PARN: variants seen among roughly 807,000 people sequenced by gnomAD.
The protein encoded by PARN is poly(A)-specific ribonuclease PARN.
A neutral mutation model predicts 102.8 loss-of-function variants in PARN; 71 were observed. The ratio of observed to expected loss-of-function variants is 0.69; its 90% CI spans 0.57 to 0.84. The LOEUF is 0.84. Ranked by LOEUF, PARN falls within the 40% of genes least tolerant of loss-of-function variation. The pLI, the probability that PARN is intolerant of heterozygous loss-of-function variation, is 0.00. For synonymous variants in PARN, 261 were observed against 252.9 expected (o/e 1.03, Z -0.30); for missense variants, 782 against 760.9 (o/e 1.03, Z -0.33).
chr16:14,501,676 G>A (rs1567327287), intron 21 of PARN: 1 of 152,050 alleles, frequency 6.6e-6, no homozygotes, highest in Non-Finnish European at 1.5e-5. Flanking sequence ...CCATCATGGT[G>A]AGAGTTCCTG....
At chr16:14,625,142 A>T (rs1428437485) in intron 5 of PARN, among the ~76,000 whole-genome samples, 2 of 151,920 alleles carry the variant, frequency 1.3e-5, no homozygotes, top group African/African-American at 4.8e-5. Flanking sequence ...CTGCTAGAAA[A>T]CTATATCCAC....
chr16:14,555,967 T>A (rs1480833333), intron 18 of PARN, among the ~76,000 whole-genome samples: 1 of 151,404 alleles, frequency 6.6e-6, no homozygotes, highest in African/African-American at 2.4e-5. Context: ...CCCAGTTAAG[T>A]GGTTCTTCTG....
At chr16:14,478,851 G>A (rs532635200) in intron 22 of PARN, among the ~76,000 whole-genome samples, 19 of 152,054 alleles carry the variant, frequency 1.2e-4, no homozygotes, top group Non-Finnish European at 2.2e-4. Context: ...GCGTGATCTC[G>A]GCTCACTGCA....
intron 22 of PARN, among the ~76,000 whole-genome samples, chr16:14,464,188 A>C (rs1176761126): frequency 6.6e-6 from 1 of 152,194 alleles, no homozygotes; most frequent in African/African-American, 2.4e-5. Flanking sequence ...GAAATCCAAG[A>C]AGCTCAGTAA....
At chr16:14,450,326 C>G (rs1340518383) in intron 22 of PARN, among the ~76,000 whole-genome samples, 1 of 152,126 alleles carries the variant, frequency 6.6e-6, no homozygotes, top group Non-Finnish European at 1.5e-5. Context: ...TGAAGCAATT[C>G]TGAAAACACT....
chr16:14,524,306 T>C (rs757908426), intron 21 of PARN, among the ~76,000 whole-genome samples: 2 of 152,194 alleles, frequency 1.3e-5, no homozygotes, highest in East Asian at 1.9e-4. Context: ...CAAACCAGTA[T>C]GCCATCATAC....
At chr16:14,618,998 C>A (rs1197915765) in intron 5 of PARN, among the ~76,000 whole-genome samples, 1 of 150,236 alleles carries the variant, frequency 6.7e-6, no homozygotes, top group South Asian at 2.1e-4. Context: ...GAGTTAAAGA[C>A]CAGCTTGGGC....
intron 22 of PARN, among the ~76,000 whole-genome samples, chr16:14,474,423 T>C (rs1962927007): frequency 6.6e-6 from 1 of 152,204 alleles, no homozygotes; most frequent in Non-Finnish European, 1.5e-5. Flanking sequence ...TATAAGGATT[T>C]TCAAAACTCT....
chr16:14,583,696 A>G (rs1171956270), intron 16 of PARN, among the ~76,000 whole-genome samples: 1 of 152,126 alleles, frequency 6.6e-6, no homozygotes, highest in Admixed American at 6.6e-5. Flanking sequence ...CCTATTATCC[A>G]TGTCTTTAGA....
intron 21 of PARN, among the ~76,000 whole-genome samples, chr16:14,549,315 A>G (rs1368648068): frequency 2.0e-5 from 3 of 152,212 alleles, no homozygotes; most frequent in Non-Finnish European, 4.4e-5. Flanking sequence ...ATCTTGGCCT[A>G]TTCCCCATAT....
intron 10 of PARN, among the ~76,000 whole-genome samples, chr16:14,605,010 G>C (rs1971097986): frequency 6.6e-6 from 1 of 152,150 alleles, no homozygotes; most frequent in Non-Finnish European, 1.5e-5. Context: ...CATGATCACA[G>C]CTCACTGCAG....
At chr16:14,562,219 G>A (rs1328148687) in intron 18 of PARN, among the ~76,000 whole-genome samples, 4 of 151,966 alleles carry the variant, frequency 2.6e-5, no homozygotes, top group African/African-American at 7.2e-5. Flanking sequence ...GCTCATGCCC[G>A]TAATCCCAGC....
At chr16:14,588,847 A>C (rs1814117336) in intron 13 of PARN, among the ~76,000 whole-genome samples, 1 of 151,974 alleles carries the variant, frequency 6.6e-6, no homozygotes, top group Admixed American at 6.6e-5. Context: ...ACACCACTGC[A>C]CTCCAGCCTG....
intron 21 of PARN, among the ~76,000 whole-genome samples, chr16:14,508,193 T>C (rs923410255): frequency 2.8e-5 from 4 of 144,756 alleles, no homozygotes; most frequent in South Asian, 2.1e-4. Context: ...GGCAGGCAGA[T>C]AGATAGATAG....
At chr16:14,537,831 T>C (rs1385390426) in intron 21 of PARN, among the ~76,000 whole-genome samples, 1 of 151,962 alleles carries the variant, frequency 6.6e-6, no homozygotes, top group Non-Finnish European at 1.5e-5. Flanking sequence ...AAAATTACAG[T>C]GAGATAAGAG....
chr16:14,539,961 G>A (rs1375448636), intron 21 of PARN, among the ~76,000 whole-genome samples: 1 of 152,196 alleles, frequency 6.6e-6, no homozygotes, highest in African/African-American at 2.4e-5. Flanking sequence ...AGGCATGTAA[G>A]TAATCTAGTG....
At chr16:14,475,314 T>A (rs563429941) in intron 22 of PARN, among the ~76,000 whole-genome samples, 1 of 152,338 alleles carries the variant, frequency 6.6e-6, no homozygotes, top group East Asian at 1.9e-4. Flanking sequence ...AGTGTTGGTG[T>A]TGGCTTATGG....
At chr16:14,467,879 G>C (rs534906990) in intron 22 of PARN, among the ~76,000 whole-genome samples, 1 of 152,358 alleles carries the variant, frequency 6.6e-6, no homozygotes, top group African/African-American at 2.4e-5. Context: ...GAGCAGGACA[G>C]TGAGTGGGAA....
intron 16 of PARN, among the ~76,000 whole-genome samples, chr16:14,582,506 G>T (rs1969595986): frequency 6.6e-6 from 1 of 152,230 alleles, no homozygotes; most frequent in East Asian, 1.9e-4. Context: ...AAATGCCTCA[G>T]TTAGATTACA....
Sources: gnomAD v4.1 joint callset for allele counts (sites outside exome capture counted in the v4.1 genomes callset) on GRCh38, gnomAD v4.1.1 for gene constraint, MANE v1.5 for transcripts, NCBI Gene and HGNC (gene_info 2026-07-23, HGNC 2026-07-21) for gene names.